Variants in PER3 observed in about 807,000 individuals in gnomAD.
The protein encoded by PER3 is period circadian protein homolog 3.
PER3 carries 107 observed loss-of-function variants against 127.2 expected under a neutral mutation model. That is an observed-to-expected ratio of 0.84 (90% confidence interval 0.72 to 0.99). PER3 has a LOEUF of 0.99. Ranked by LOEUF, PER3 falls within the 50% of genes least tolerant of loss-of-function variation. The probability of loss-of-function intolerance (pLI) is 0.00; values close to 1 mark genes in which losing one functional copy is unlikely to be tolerated. For missense variants in PER3, 1,560 were observed against 1,525.8 expected, an observed-to-expected ratio of 1.02 and a Z score of -0.37; for synonymous variants, 618 against 585.8, an observed-to-expected ratio of 1.05 and a Z score of -0.79.
intron 13 of PER3, among the ~76,000 whole-genome samples, chr1:7,816,766 T>G (rs1174366034): frequency 6.6e-6 from 1 of 152,216 alleles, no homozygotes; most frequent in Non-Finnish European, 1.5e-5. Context: ...GTTTGACATT[T>G]CCCATAAAGT....
rs181235636 is a variant in PER3, at chr1:7,801,832, C to A, written c.872+641C>A. Among the ~76,000 whole-genome samples the A allele has an allele frequency of 5.6e-3, 854 of 151,970 alleles. 9 individuals are homozygous for A. The highest frequency in any genetic ancestry group is 0.02 in the African/African-American group (818 of 41,424). On this transcript the variant is annotated intron_variant, in intron 8 of 21. Coordinates refer to ENST00000377532, the MANE Select transcript of PER3 (RefSeq NM_001377275.1). ...CTACATCAGTATCCCGCATTTTTTC[C>A]CCACATTTATTTTAACATTTTACTT...
intron 5 of PER3, among the ~76,000 whole-genome samples, chr1:7,793,274 T>A (rs773264424): frequency 3.3e-5 from 5 of 152,180 alleles, no homozygotes; most frequent in Admixed American, 6.5e-5. Flanking sequence ...TTCAGTCCCC[T>A]CATCTCCTAA....
intron 5 of PER3, among the ~76,000 whole-genome samples, chr1:7,792,071 C>T (rs1577647434): frequency 1.3e-5 from 2 of 152,286 alleles, no homozygotes; most frequent in Non-Finnish European, 1.5e-5. Flanking sequence ...CTTTGCAGTA[C>T]AAGTTTACTG....
intron 19 of PER3, among the ~76,000 whole-genome samples, chr1:7,830,989 T>C (rs909636179): frequency 6.6e-6 from 1 of 152,228 alleles, no homozygotes; most frequent in Non-Finnish European, 1.5e-5. Context: ...ACTCCATTTC[T>C]CAGTTTCTAC....
rs141390079 is a variant in PER3, at chr1:7,785,516, G to T, written c.204G>T (p.Ser68=). ...VVQEMKKYFP[S]ERRNKPSTLD... Reference sequence around the variant, plus strand: ...AAGAAATGAAAAAATACTTCCCCTCGGAGAGACGCAATAAACCAAGCACTC... The same window carrying T: ...AAGAAATGAAAAAATACTTCCCCTCTGAGAGACGCAATAAACCAAGCACTC... The change falls in exon 3 of 22, where the codon TCG becomes TCT. Residue 68 remains serine (S), a synonymous_variant. Coordinates refer to ENST00000377532, the MANE Select transcript of PER3 (RefSeq NM_001377275.1). The T allele has an allele frequency of 4.6e-5, 74 of 1,611,612 alleles. No homozygotes were observed. The highest frequency in any genetic ancestry group is 5.8e-5 in the Non-Finnish European group (68 of 1,177,924).
intron 13 of PER3, among the ~76,000 whole-genome samples, chr1:7,812,022 T>G (rs1337348454): frequency 3.3e-5 from 5 of 152,180 alleles, no homozygotes; most frequent in Non-Finnish European, 7.3e-5. Flanking sequence ...CTATATAGAT[T>G]ATTATTCCAT....
intron 1 of PER3, 83 bp from the exon 2 acceptor site, chr1:7,784,571 T>C (rs2097075580): frequency 4.3e-6 from 1 of 233,482 alleles, no homozygotes; most frequent in African/African-American, 2.3e-5. Flanking sequence ...GACCGCGCGG[T>C]CGGGGCGCCC....
intron 7 of PER3, among the ~76,000 whole-genome samples, chr1:7,800,203 T>A (rs1284912817): frequency 6.9e-6 from 1 of 144,768 alleles, no homozygotes; most frequent in Non-Finnish European, 1.5e-5. Context: ...TTCCCTAATA[T>A]ATCAATCACT....
rs548139961 is a variant in PER3 at position 7,837,086 on chromosome 1, G to A, written c.3486G>A (p.Glu1162=). 8 of 1,614,036 alleles carry A rather than the reference G, an allele frequency of 5.0e-6. No individual in the cohort carries two copies. The highest frequency in any genetic ancestry group is 1.7e-4 in the Middle Eastern group (1 of 6,060). Reference sequence around the variant, plus strand: ...CCCAGTTTTCTCATGGGCAAAAGGAGGAGCTGGCTAAGGTGTATAATTGGA... The same window carrying A: ...CCCAGTTTTCTCATGGGCAAAAGGAAGAGCTGGCTAAGGTGTATAATTGGA... ...QQPQFSHGQK[E]ELAKVYNWIQ... is the part of the protein sequence containing the mutation. The change falls in exon 21 of 22, where the codon GAG becomes GAA. Residue 1162 remains glutamate (E), a synonymous_variant. Transcript: ENST00000377532.
intron 16 of PER3, among the ~76,000 whole-genome samples, chr1:7,821,451 C>G (rs766507606): frequency 1.3e-5 from 2 of 152,180 alleles, no homozygotes; most frequent in Non-Finnish European, 2.9e-5. Flanking sequence ...CATTACGTTT[C>G]TAATTAGTCA....
At chr1:7,794,800 A>G (rs1243538900) in intron 6 of PER3, among the ~76,000 whole-genome samples, 1 of 151,484 alleles carries the variant, frequency 6.6e-6, no homozygotes, top group Non-Finnish European at 1.5e-5. Flanking sequence ...ATTACTACTG[A>G]ATTTTTTATC....
At chr1:7,837,244 C>G in intron 21 of PER3, 95 bp downstream of exon 21, 1 of 994,198 alleles carries the variant, frequency 1.0e-6, no homozygotes, top group Non-Finnish European at 1.5e-6. Flanking sequence ...CCACTAAAAA[C>G]TTTAATCCTC....
intron 8 of PER3, among the ~76,000 whole-genome samples, chr1:7,802,092 A>G (rs1288840464): frequency 1.3e-5 from 2 of 152,216 alleles, no homozygotes; most frequent in African/African-American, 4.8e-5. Flanking sequence ...AATCTCTTGT[A>G]TTAGAAAATA....
intron 4 of PER3, chr1:7,787,839 C>G (rs891706025): frequency 1.7e-6 from 1 of 583,944 alleles, no homozygotes; most frequent in African/African-American, 1.9e-5. Flanking sequence ...AGAAATTGAA[C>G]CTTCAGTAGG....
At chr1:7,796,336 T>TTTTTTTTTC (rs1188385104) in intron 6 of PER3, among the ~76,000 whole-genome samples, 2 of 149,312 alleles carry the variant, frequency 1.3e-5, no homozygotes, top group African/African-American at 4.9e-5. Flanking sequence ...TTTTTTTTTT[T>TTTTTTTTTC]GAGACAGGAT....
intron 8 of PER3, among the ~76,000 whole-genome samples, chr1:7,802,306 G>A (rs113333746): frequency 0.038 from 5,809 of 151,894 alleles, 157 homozygotes; most frequent in Non-Finnish European, 0.057. Flanking sequence ...ACTGTTGCCC[G>A]GGCTGGAGTG....
At chr1:7,823,298 A>T (rs697688) in intron 16 of PER3, among the ~76,000 whole-genome samples, 58,812 of 152,018 alleles carry the variant, frequency 0.39, 12,345 homozygotes, top group African/African-American at 0.54. Context: ...TGGTCAATTC[A>T]TCAGGAAGAC....
chr1:7,839,918 T>C (rs1051280110), intron 21 of PER3, among the ~76,000 whole-genome samples: 3 of 152,208 alleles, frequency 2.0e-5, no homozygotes, highest in African/African-American at 7.2e-5. Context: ...TTCATGTTTT[T>C]CATCAAACTT....
chr1:7,789,166 C>T (rs1247111873), intron 5 of PER3, among the ~76,000 whole-genome samples: 3 of 129,594 alleles, frequency 2.3e-5, no homozygotes, highest in African/African-American at 8.6e-5. Flanking sequence ...TATCAGCGTT[C>T]TCTTTGATTC....
Sources: allele counts gnomAD v4.1 joint callset (sites outside exome capture counted in the v4.1 genomes callset), GRCh38; gene constraint gnomAD v4.1.1; transcripts MANE v1.5; gene names NCBI Gene and HGNC (gene_info 2026-07-23, HGNC 2026-07-21).